The following MYO6 variants were observed in gnomAD, a reference collection of about 807,000 sequenced individuals.
The protein encoded by MYO6 is unconventional myosin-VI.
Under a neutral mutation model 178.7 loss-of-function variants are expected in MYO6, and 74 were observed. The ratio of observed to expected loss-of-function variants is 0.41; its 90% CI spans 0.34 to 0.50. MYO6 has a LOEUF of 0.50. MYO6 is among the 20% of genes least tolerant of loss of function. The probability of loss-of-function intolerance (pLI) is 0.09; values close to 1 mark genes in which losing one functional copy is unlikely to be tolerated. For synonymous variants in MYO6, 477 were observed against 504.6 expected (o/e 0.95, Z 0.73); for missense variants, 1,330 against 1,547.4 (o/e 0.86, Z 2.36).
chr6:75,861,361 G>A (rs1018691874), intron 15 of MYO6, among the ~76,000 whole-genome samples: 1 of 152,148 alleles, frequency 6.6e-6, no homozygotes. Context: ...AATTGGTTAA[G>A]GGGGAAACTT....
At chr6:75,898,488 C>T (rs1712975604) in intron 30 of MYO6, 77 bp downstream of exon 30, 1 of 1,241,582 alleles carries the variant, frequency 8.1e-7, no homozygotes, top group African/African-American at 1.5e-5. Context: ...TTATTTGGAC[C>T]AGAACCTGTT....
In MYO6 at chr6:75,828,598, T is replaced by G. The variant is rs756818418; in HGVS notation, c.246T>G (p.Ser82Arg). Residue 82 changes from serine to arginine, a missense_variant, in exon 4 of 35, where the codon AGT becomes AGG. Transcript: ENST00000369977. ...TLLHNIKVRY[S>R]KDRIYTYVAN... ...TCCATAATATCAAAGTTCGATATAG[T>G]AAAGACAGAATTTATGTAAGTATTT... The G allele has an allele frequency of 6.3e-7, 1 of 1,575,530 alleles. No individual in the cohort carries two copies. Among genetic ancestry groups the G allele is most frequent in the Non-Finnish European group, 8.7e-7 (1 of 1,145,314 alleles).
Position 75,892,430 on chromosome 6 carries a change from A to C in MYO6, c.2947-100A>C. 4 of 1,475,930 alleles carry C rather than the reference A, an allele frequency of 2.7e-6. No homozygotes were observed. In the Admixed American group the frequency reaches 6.7e-5, roughly 25 times the overall value. The allele number at this position is 1,475,930 out of a possible 1,614,324, so 91.4% of individuals were successfully genotyped here. The stretch of plus-strand genomic sequence containing the variant: ...AGCAATTCTTTAGTAAAGAACTTGT[A>C]TGGGGGCAGTTATGCTTTCCCTTTA... On this transcript the variant is annotated intron_variant, in intron 27 of 34. Transcript: ENST00000369977.
chr6:75,857,034 T>C lies in MYO6; in HGVS notation c.1224-63T>C, dbSNP rs1775775894. ...TCTCTGTGTGTATGTTTAGGTGCAC[T>C]CTGTGGCATTTTCACAGTGCACTAT... On this transcript the variant is annotated intron_variant, in intron 12 of 34. Coordinates refer to ENST00000369977, the MANE Select transcript of MYO6 (RefSeq NM_004999.4). The C allele has an allele frequency of 2.6e-6, 4 of 1,516,548 alleles. No individual in the cohort carries two copies. In the South Asian group the frequency reaches 4.5e-5, roughly 17 times the overall value. 93.9% of individuals were successfully genotyped at this position (1,516,548 alleles called of 1,614,324 possible).
intron 1 of MYO6, among the ~76,000 whole-genome samples, chr6:75,764,460 C>G (rs1437775680): frequency 6.6e-6 from 1 of 152,032 alleles, no homozygotes; most frequent in Admixed American, 6.6e-5. Flanking sequence ...AGTAGCCACC[C>G]CAAATTTACT....
At chr6:75,866,351 G>A (rs540401646) in intron 16 of MYO6, among the ~76,000 whole-genome samples, 175 bp from the exon 17 acceptor site, 2 of 147,204 alleles carry the variant, frequency 1.4e-5, no homozygotes, top group African/African-American at 5.0e-5. Flanking sequence ...CCAAATATTT[G>A]CTAGATTTTA....
chr6:75,813,089 A>G (rs1770853015), intron 1 of MYO6, among the ~76,000 whole-genome samples: 1 of 152,172 alleles, frequency 6.6e-6, no homozygotes, highest in Non-Finnish European at 1.5e-5. Context: ...TGTACTTACT[A>G]TTACCAGTGA....
intron 18 of MYO6, 52 bp from the exon 19 acceptor site, chr6:75,870,595 A>C: frequency 7.1e-7 from 1 of 1,402,968 alleles, no homozygotes; most frequent in South Asian, 1.2e-5. Context: ...AACTCATGAC[A>C]CTGTGTACTT....
chr6:75,848,214 G>A, intron 10 of MYO6, 137 bp from the exon 11 acceptor site: 1 of 784,192 alleles, frequency 1.3e-6, no homozygotes, highest in Non-Finnish European at 2.2e-6. Flanking sequence ...GTTTTTGAAT[G>A]TTAGAATAGT....
chr6:75,829,374 G>A (rs1282328706), intron 4 of MYO6, among the ~76,000 whole-genome samples: 2 of 152,018 alleles, frequency 1.3e-5, no homozygotes, highest in Non-Finnish European at 2.9e-5. Flanking sequence ...TAGTTCTCCT[G>A]TTATAAAGAT....
At chr6:75,860,983 A>G (rs1241589663) in intron 14 of MYO6, 40 bp from the exon 15 acceptor site, 2 of 1,359,874 alleles carry the variant, frequency 1.5e-6, no homozygotes, top group Non-Finnish European at 2.1e-6. Flanking sequence ...ACTATTGCTC[A>G]GTATTGCTGT....
At chr6:75,908,856 CAAG>C (rs1780548268) in intron 32 of MYO6, among the ~76,000 whole-genome samples, 1 of 151,946 alleles carries the variant, frequency 6.6e-6, no homozygotes, top group Non-Finnish European at 1.5e-5. Context: ...ATAATTGAGA[CAAG>C]AATTTTCTTG....
chr6:75,900,764 T>A (rs932051493), intron 30 of MYO6, among the ~76,000 whole-genome samples: 2 of 151,696 alleles, frequency 1.3e-5, no homozygotes, highest in African/African-American at 4.8e-5. Flanking sequence ...AATTTTGGCT[T>A]TTGTTGCCAT....
chr6:75,753,037 A>G (rs953306660), intron 1 of MYO6, among the ~76,000 whole-genome samples: 18 of 152,208 alleles, frequency 1.2e-4, no homozygotes, highest in African/African-American at 4.3e-4. Flanking sequence ...AACTATTAGT[A>G]CAAATCTTTT....
rs1362291146 is a variant in MYO6 at position 75,866,989 on chromosome 6, T to C, written c.1828T>C (p.Cys610Arg). The change falls in exon 18 of 35, where the codon TGT becomes CGT. Residue 610 changes from cysteine (C) to arginine (R), a missense_variant. Cys to Arg is a radical substitution (Grantham distance 180, BLOSUM62 -3). Transcript: ENST00000369977. ...ACATATGTCTCTTGAATCCTTAATA[T>C]GTGAATCCAGAGATAAGTTTATACG... The part of the protein sequence containing the change: ...ALHMSLESLI[C>R]ESRDKFIREL... The C allele has an allele frequency of 6.2e-7, 1 of 1,613,690 alleles. No individual in the cohort carries two copies. The highest frequency in any genetic ancestry group is 8.5e-7 in the Non-Finnish European group (1 of 1,179,740).
intron 1 of MYO6, among the ~76,000 whole-genome samples, chr6:75,756,443 C>G (rs957196460): frequency 6.6e-6 from 1 of 152,134 alleles, no homozygotes; most frequent in African/African-American, 2.4e-5. Context: ...AGCGATTCCC[C>G]TGCCTCAGCC....
At chr6:75,845,701 C>T (rs769107541) in intron 10 of MYO6, among the ~76,000 whole-genome samples, 3 of 150,252 alleles carry the variant, frequency 2.0e-5, no homozygotes, top group Non-Finnish European at 3.0e-5. Context: ...CAAAAAAAAG[C>T]TGGTCAGGTG....
intron 4 of MYO6, among the ~76,000 whole-genome samples, 186 bp downstream of exon 4, chr6:75,828,799 A>T (rs1306025863): frequency 6.6e-6 from 1 of 152,148 alleles, no homozygotes; most frequent in Non-Finnish European, 1.5e-5. Flanking sequence ...TAGGAGTTAA[A>T]GCATGCCTGG....
At chr6:75,791,804 A>T (rs753414429) in intron 1 of MYO6, among the ~76,000 whole-genome samples, 1 of 152,264 alleles carries the variant, frequency 6.6e-6, no homozygotes, top group Non-Finnish European at 1.5e-5. Flanking sequence ...CTTCTGAGCT[A>T]CACTAATCCT....
Sources: gnomAD v4.1 joint callset for allele counts (sites outside exome capture counted in the v4.1 genomes callset) on GRCh38, gnomAD v4.1.1 for gene constraint, MANE v1.5 for transcripts, NCBI Gene and HGNC (gene_info 2026-07-23, HGNC 2026-07-21) for gene names.